Variants in SOX5 observed in about 807,000 individuals in gnomAD.
SOX5 encodes transcription factor SOX-5.
SOX5 carries 9 observed loss-of-function variants against 92.0 expected under a neutral mutation model. That is an observed-to-expected ratio of 0.10 (90% CI 0.06 to 0.17). The LOEUF is 0.17. Among genes scored for constraint, SOX5 ranks in the 10% least tolerant of loss-of-function variants. The pLI, the probability that SOX5 is intolerant of heterozygous loss-of-function variation, is 1.00. For synonymous variants in SOX5, 344 were observed against 336.3 expected, an observed-to-expected ratio of 1.02 and a Z score of -0.25; for missense variants, 642 against 944.5, an observed-to-expected ratio of 0.68 and a Z score of 4.20.
chr12:24,556,769 G>T (rs1271802358), intron 1 of SOX5, among the ~76,000 whole-genome samples: 1 of 152,118 alleles, frequency 6.6e-6, no homozygotes, highest in Non-Finnish European at 1.5e-5. Context: ...ATTCACACTT[G>T]CACCAAATAC....
chr12:24,298,177 C>T (rs1466742076), intron 2 of SOX5, among the ~76,000 whole-genome samples: 1 of 152,108 alleles, frequency 6.6e-6, no homozygotes, highest in Non-Finnish European at 1.5e-5. Flanking sequence ...AGCGATCCTC[C>T]CACCTCAGCC....
At chr12:24,381,446 A>G (rs1244280278) in intron 1 of SOX5, among the ~76,000 whole-genome samples, 5 of 152,214 alleles carry the variant, frequency 3.3e-5, no homozygotes, top group Admixed American at 1.3e-4. Flanking sequence ...TGTTACATCA[A>G]TAGTTCTTAA....
chr12:24,251,631 G>A (rs966749390), intron 3 of SOX5, among the ~76,000 whole-genome samples: 10 of 151,464 alleles, frequency 6.6e-5, no homozygotes, highest in Admixed American at 1.3e-4. Flanking sequence ...GAGTGCAATG[G>A]CGTGATCTCG....
In SOX5 at chr12:24,084,539, T is replaced by C. The variant is rs559967489; in HGVS notation, c.-2+128804A>G. 1.7e-3 allele frequency among the ~76,000 whole-genome samples: 264 copies of C among 152,232 alleles called. 3 individuals are homozygous for C. The highest frequency in any genetic ancestry group is 6.0e-3 in the African/African-American group (251 of 41,558). ...TTAAAATGAAATCTTAGTTTAAAAA[T>C]AGTCCTCTATACATTTCATTTCAGA... is the stretch of plus-strand genomic sequence containing the variant. On this transcript the variant is annotated intron_variant, in intron 4 of 4. Transcript: ENST00000446891.
chr12:23,598,020 G>A (rs1193915572), intron 9 of SOX5, among the ~76,000 whole-genome samples: 1 of 152,164 alleles, frequency 6.6e-6, no homozygotes, highest in Non-Finnish European at 1.5e-5. Flanking sequence ...CTGATATGTA[G>A]AGATAAATGG....
Position 23,970,841 on chromosome 12 carries a change from A to ATATATATATATATATATATATATATTTT in SOX5, c.-1-74818_-1-74817insAAAATATATATATATATATATATATATA. On this transcript the variant is annotated intron_variant, in intron 4 of 4. Transcript: ENST00000446891. ...ACATGGGACTTTATATATATATATA[A>ATATATATATATATATATATATATATTTT]TTTTTTTTTTTTTTTAAGAAATGGG... Among the ~76,000 whole-genome samples, 16 of 21,874 alleles carry ATATATATATATATATATATATATATTTT rather than the reference A, an allele frequency of 7.3e-4. 1 individual carries two copies. The highest frequency in any genetic ancestry group is 1.4e-3 in the African/African-American group (11 of 8,034). 14.4% of individuals were successfully genotyped at this position (21,874 alleles called of 152,430 possible). A position where few individuals can be genotyped will look rare whatever the true frequency, so the allele number is the denominator to read the frequency against.
At chr12:24,191,304 C>A (rs1165971246) in intron 4 of SOX5, among the ~76,000 whole-genome samples, 2 of 152,220 alleles carry the variant, frequency 1.3e-5, no homozygotes, top group Non-Finnish European at 2.9e-5. Flanking sequence ...GTGTTTTGCT[C>A]TTTTCCTGAG....
chr12:24,206,987 C>T (rs1958088744), intron 4 of SOX5, among the ~76,000 whole-genome samples: 1 of 152,228 alleles, frequency 6.6e-6, no homozygotes. Context: ...CAGGCAAGCA[C>T]TCATTCAGCA....
At chr12:23,851,530 C>A (rs922185495) in intron 2 of SOX5, among the ~76,000 whole-genome samples, 4 of 151,842 alleles carry the variant, frequency 2.6e-5, no homozygotes, top group African/African-American at 9.7e-5. Flanking sequence ...GTTCCCAATA[C>A]CCACAGAATA....
rs144308768 is a variant in SOX5, at chr12:24,501,770, T to G, written c.-251+60559A>C. On this transcript the variant is annotated intron_variant, in intron 1 of 4. Transcript: ENST00000446891. The stretch of plus-strand genomic sequence containing the variant: ...TGAGCTGGGGAGGTATAGGTTGAAG[T>G]GAGTTGTAATTGCAGCACTGCACTC... 1.7e-3 allele frequency among the ~76,000 whole-genome samples: 263 copies of G among 152,274 alleles called. 2 individuals carry two copies. The highest frequency in any genetic ancestry group is 6.2e-3 in the African/African-American group (256 of 41,556).
intron 10 of SOX5, among the ~76,000 whole-genome samples, chr12:23,570,927 AAAAATATATATATATATATATATAT>A (rs1397370680): frequency 0.094 from 2,308 of 24,466 alleles, 292 homozygotes; most frequent in Non-Finnish European, 0.14. Context: ...AAAAAAAAAA[AAAAATATATATATATATATATATAT>A]ATATATATAT....
chr12:24,261,888 T>C (rs534282663), intron 3 of SOX5, among the ~76,000 whole-genome samples: 2 of 152,348 alleles, frequency 1.3e-5, no homozygotes, highest in East Asian at 3.9e-4. Flanking sequence ...CTGTTTCTGA[T>C]ATATGAAATA....
At chr12:24,370,345 C>T (rs1307351264) in intron 1 of SOX5, among the ~76,000 whole-genome samples, 1 of 151,980 alleles carries the variant, frequency 6.6e-6, no homozygotes, top group East Asian at 1.9e-4. Context: ...GGCGTGGTGG[C>T]AGGCCCCTGT....
intron 4 of SOX5, among the ~76,000 whole-genome samples, chr12:24,043,008 G>A (rs541167473): frequency 2.8e-4 from 42 of 152,146 alleles, no homozygotes; most frequent in Non-Finnish European, 5.0e-4. Context: ...AGGAGAGACT[G>A]GAACAGATAA....
At chr12:23,835,388 A>G (rs1238795795) in intron 3 of SOX5, among the ~76,000 whole-genome samples, 2 of 151,824 alleles carry the variant, frequency 1.3e-5, no homozygotes, top group African/African-American at 4.8e-5. Context: ...AGGCATATAT[A>G]TCTCTGTCTT....
intron 10 of SOX5, among the ~76,000 whole-genome samples, chr12:23,567,637 G>A (rs1189076809): frequency 1.3e-5 from 2 of 151,674 alleles, no homozygotes; most frequent in African/African-American, 4.8e-5. Flanking sequence ...TTAAGTTTTT[G>A]TAGAGATGGA....
intron 3 of SOX5, among the ~76,000 whole-genome samples, chr12:23,830,625 A>G (rs1434956290): frequency 6.6e-6 from 1 of 152,014 alleles, no homozygotes; most frequent in Non-Finnish European, 1.5e-5. Flanking sequence ...TTCACTTTTT[A>G]TTTTTCCCAC....
At position 24,419,806 on chromosome 12, in the gene SOX5, T is replaced by C. The variant is rs559527333; in HGVS notation, c.-250-51167A>G. Among the ~76,000 whole-genome samples, 106 of 152,228 alleles carry C rather than the reference T, an allele frequency of 7.0e-4. 1 individual carries two copies. The highest frequency in any genetic ancestry group is 1.1e-3 in the African/African-American group (45 of 41,538). ...ACTGTAGAAGATAAACATTGGCAAA[T>C]GGTGATCAAAATAAAACAATGCATA... On this transcript the variant is annotated intron_variant, in intron 1 of 4. Coordinates refer to the SOX5 transcript ENST00000446891.
chr12:23,538,116 G>C (rs1941014201), intron 13 of SOX5, among the ~76,000 whole-genome samples: 1 of 152,094 alleles, frequency 6.6e-6, no homozygotes, highest in Middle Eastern at 3.2e-3. Flanking sequence ...TAAGATCTTA[G>C]AATCTTTCGA....
Sources: allele counts gnomAD v4.1 joint callset (sites outside exome capture counted in the v4.1 genomes callset), GRCh38; gene constraint gnomAD v4.1.1; transcripts MANE v1.5; gene names NCBI Gene and HGNC (gene_info 2026-07-23, HGNC 2026-07-21).